The following IL1RAPL2 variants were observed in gnomAD, a reference collection of about 807,000 sequenced individuals.
IL1RAPL2 encodes X-linked interleukin-1 receptor accessory protein-like 2.
In IL1RAPL2, 3 loss-of-function variants were observed where a neutral mutation model predicts 44.1. That is an observed-to-expected ratio of 0.07 (90% CI 0.03 to 0.18). The LOEUF (loss-of-function observed/expected upper bound fraction) is 0.18. Ranked by LOEUF, IL1RAPL2 falls within the 10% of genes least tolerant of loss-of-function variation. The pLI is 1.00. For synonymous variants in IL1RAPL2, 181 were observed against 178.8 expected, an observed-to-expected ratio of 1.01 and a Z score of -0.10; for missense variants, 391 against 496.4, an observed-to-expected ratio of 0.79 and a Z score of 2.02.
chrX:104,839,156 G>T (rs1477683758), intron 2 of IL1RAPL2, among the ~76,000 whole-genome samples: 1 of 110,129 alleles, frequency 9.1e-6, no homozygotes, highest in African/African-American at 3.3e-5. Context: ...GCCCTCTTGT[G>T]CCTGAAAGGG....
chrX:105,297,809 G>A (rs1329042649), intron 5 of IL1RAPL2, among the ~76,000 whole-genome samples: 1 of 111,102 alleles, frequency 9.0e-6, no homozygotes, highest in Non-Finnish European at 1.9e-5. Flanking sequence ...TACCTACTTT[G>A]CATTTAAAAA....
intron 7 of IL1RAPL2, among the ~76,000 whole-genome samples, chrX:105,718,146 G>T (rs1310699372): frequency 1.8e-5 from 2 of 111,638 alleles, no homozygotes; most frequent in Admixed American, 9.5e-5. Context: ...CACTCAGTTT[G>T]TGAGGTTTCT....
chrX:105,621,460 C>T (rs1264925826), intron 6 of IL1RAPL2, among the ~76,000 whole-genome samples: 4 of 111,380 alleles, frequency 3.6e-5, no homozygotes, highest in Admixed American at 1.9e-4. Context: ...TAAGGCATTG[C>T]GACAAGCTTG....
At chrX:104,616,006 G>A (rs140702877) in intron 1 of IL1RAPL2, among the ~76,000 whole-genome samples, 1 of 111,664 alleles carries the variant, frequency 9.0e-6, no homozygotes, top group South Asian at 3.7e-4. Context: ...TCATATGTTT[G>A]TTGGCCACAT....
intron 5 of IL1RAPL2, among the ~76,000 whole-genome samples, chrX:105,355,323 A>G (rs1370940151): frequency 9.0e-6 from 1 of 111,113 alleles, no homozygotes; most frequent in Non-Finnish European, 1.9e-5. Context: ...CCTTGAATGC[A>G]TCTGTCTCAC....
At chrX:105,115,750 C>T (rs1410812668) in intron 2 of IL1RAPL2, among the ~76,000 whole-genome samples, 1 of 113,136 alleles carries the variant, frequency 8.8e-6, no homozygotes, top group African/African-American at 3.2e-5. Flanking sequence ...CTTGCGCCTG[C>T]ACTCCTCAGC....
At chrX:105,156,508 A>G (rs971856675) in intron 2 of IL1RAPL2, among the ~76,000 whole-genome samples, 5 of 112,508 alleles carry the variant, frequency 4.4e-5, no homozygotes, top group African/African-American at 1.6e-4. Flanking sequence ...GCTCTGCTAC[A>G]TAGCTAATGC....
intron 5 of IL1RAPL2, among the ~76,000 whole-genome samples, chrX:105,309,793 A>G (rs919353241): frequency 8.1e-5 from 9 of 111,647 alleles, no homozygotes; most frequent in African/African-American, 2.6e-4. Flanking sequence ...ATTGCAAGAA[A>G]TCTAAAAAAT....
intron 6 of IL1RAPL2, among the ~76,000 whole-genome samples, chrX:105,636,433 G>A (rs892310738): frequency 6.3e-5 from 7 of 111,481 alleles, no homozygotes; most frequent in African/African-American, 1.6e-4. Flanking sequence ...AGGTGCCAGC[G>A]TATTAGATAA....
intron 10 of IL1RAPL2, among the ~76,000 whole-genome samples, chrX:105,756,749 C>A (rs929082180): frequency 2.7e-5 from 3 of 111,388 alleles, no homozygotes; most frequent in African/African-American, 9.8e-5. Context: ...AAGGAACATC[C>A]TGATACCCCA....
chrX:105,189,241 A>G (rs1556135778), intron 2 of IL1RAPL2, among the ~76,000 whole-genome samples: 1 of 112,470 alleles, frequency 8.9e-6, no homozygotes, highest in Non-Finnish European at 1.9e-5. Flanking sequence ...TTTTTGAGAC[A>G]GAGTCTTGCT....
chrX:105,462,080 A>C (rs1175426487), intron 5 of IL1RAPL2, among the ~76,000 whole-genome samples: 1 of 110,754 alleles, frequency 9.0e-6, no homozygotes, highest in East Asian at 2.9e-4. Flanking sequence ...CACCATGCAA[A>C]ACTTTCATAC....
chrX:105,717,321 T>C, intron 6 of IL1RAPL2, 46 bp from the exon 7 acceptor site: 1 of 1,101,449 alleles, frequency 9.1e-7, no homozygotes. Flanking sequence ...TGTCTCCCAC[T>C]GATAATCAGG....
At chrX:104,608,111 C>T (rs781153614) in intron 1 of IL1RAPL2, among the ~76,000 whole-genome samples, 1 of 110,926 alleles carries the variant, frequency 9.0e-6, no homozygotes, top group East Asian at 2.8e-4. Flanking sequence ...CCATCATTCT[C>T]AGCAAACTAT....
At chrX:105,732,228 ATAT>A (rs1471047729) in intron 7 of IL1RAPL2, among the ~76,000 whole-genome samples, 2 of 109,665 alleles carry the variant, frequency 1.8e-5, no homozygotes, top group South Asian at 3.9e-4. Context: ...TGAGCATTTT[ATAT>A]TATTCTATTT....
intron 2 of IL1RAPL2, among the ~76,000 whole-genome samples, chrX:104,747,901 A>T (rs940921468): frequency 8.9e-6 from 1 of 111,766 alleles, no homozygotes; most frequent in African/African-American, 3.2e-5. Context: ...AGGCCCTGAG[A>T]AAAGTTCAGT....
intron 6 of IL1RAPL2, among the ~76,000 whole-genome samples, chrX:105,625,646 G>A (rs2037448039): frequency 9.0e-6 from 1 of 111,512 alleles, no homozygotes; most frequent in Middle Eastern, 4.6e-3. Context: ...GCTAGGGCTT[G>A]TGAGGGATAA....
intron 2 of IL1RAPL2, among the ~76,000 whole-genome samples, chrX:104,787,370 T>C (rs1165139600): frequency 6.3e-5 from 7 of 111,499 alleles, no homozygotes; most frequent in Non-Finnish European, 1.1e-4. Flanking sequence ...TGGCTCGCCC[T>C]TGATACTCCG....
At chrX:105,206,937 A>G (rs902668680) in intron 3 of IL1RAPL2, among the ~76,000 whole-genome samples, 8 of 111,773 alleles carry the variant, frequency 7.2e-5, no homozygotes, top group Non-Finnish European at 1.3e-4. Flanking sequence ...TTAGAGAAAC[A>G]TATACATCAG....
Sources: gnomAD v4.1 joint callset for allele counts (sites outside exome capture counted in the v4.1 genomes callset) on GRCh38, gnomAD v4.1.1 for gene constraint, MANE v1.5 for transcripts, NCBI Gene and HGNC (gene_info 2026-07-23, HGNC 2026-07-21) for gene names.